Variants in NRG2 observed in about 807,000 individuals in gnomAD.
NRG2 encodes neuregulin 2.
A neutral mutation model predicts 73.9 loss-of-function variants in NRG2; 27 were observed. The observed-to-expected ratio is 0.37, with a 90% CI of 0.27 to 0.50. The LOEUF (loss-of-function observed/expected upper bound fraction) is 0.50. Ranked by LOEUF, NRG2 falls within the 20% of genes least tolerant of loss-of-function variation. The probability of loss-of-function intolerance (pLI) is 0.96; values close to 1 mark genes in which losing one functional copy is unlikely to be tolerated. For synonymous variants in NRG2, 532 were observed against 541.0 expected, an observed-to-expected ratio of 0.98 and a Z score of 0.23; for missense variants, 1,126 against 1,210.1, an observed-to-expected ratio of 0.93 and a Z score of 1.03.
rs557277285 is a variant in NRG2 at position 139,852,979 on chromosome 5, C to T, written c.1341G>A (p.Pro447=). ...MHNHLRQNMC[P]AHQNRSLANG... is the part of the protein sequence containing the mutation. ...TGGCCAAGCTCCGGTTCTGATGGGCCGGGCACATGTTCTGCCGGAGGTGGT... is the reference window on the plus strand; with the variant it reads ...TGGCCAAGCTCCGGTTCTGATGGGCTGGGCACATGTTCTGCCGGAGGTGGT... The change falls in exon 7 of 10, where the codon CCG becomes CCA. Residue 447 remains proline (P), a synonymous_variant. Transcript: ENST00000361474. The surrounding 1 kb of genome is among the most constrained non-coding windows in gnomAD (Gnocchi z 4.4). 26 of 1,613,294 alleles carry T rather than the reference C, an allele frequency of 1.6e-5. No individual in the cohort carries two copies. The highest frequency in any genetic ancestry group is 9.3e-5 in the African/African-American group (7 of 74,936).
intron 1 of NRG2, among the ~76,000 whole-genome samples, chr5:139,929,955 C>T (rs374328664): frequency 2.0e-5 from 3 of 152,222 alleles, no homozygotes; most frequent in Non-Finnish European, 2.9e-5. Flanking sequence ...GGGACAGTCA[C>T]ACCTCATTTG....
At chr5:139,920,600 T>G (rs1751585522) in intron 1 of NRG2, among the ~76,000 whole-genome samples, 1 of 150,374 alleles carries the variant, frequency 6.7e-6, no homozygotes, top group East Asian at 2.0e-4. Flanking sequence ...AGAGAAGAAA[T>G]GAAGTAGGGG....
At chr5:139,968,224 G>A (rs1755695332) in intron 1 of NRG2, among the ~76,000 whole-genome samples, 1 of 152,182 alleles carries the variant, frequency 6.6e-6, no homozygotes, top group African/African-American at 2.4e-5. Flanking sequence ...TGCCCGCCCG[G>A]CTGAGAAGGG....
At chr5:140,025,519 AC>A in intron 1 of NRG2, among the ~76,000 whole-genome samples, 1 of 152,316 alleles carries the variant, frequency 6.6e-6, no homozygotes, top group South Asian at 2.1e-4. Context: ...AGTATAAAAA[AC>A]AGCCATATTC....
At chr5:139,952,117 G>C (rs1489666401) in intron 1 of NRG2, among the ~76,000 whole-genome samples, 1 of 152,214 alleles carries the variant, frequency 6.6e-6, no homozygotes, top group African/African-American at 2.4e-5. Flanking sequence ...TTGCAGAATG[G>C]TTGCAGGGAT....
intron 5 of NRG2, among the ~76,000 whole-genome samples, chr5:139,863,772 C>G (rs1240097979): frequency 1.3e-5 from 2 of 152,194 alleles, no homozygotes. Flanking sequence ...TTCTGTTGGG[C>G]CACATGTCCT....
In NRG2 at chr5:139,885,863, A is replaced by G. The variant is rs2060005724; in HGVS notation, c.872+1477T>C. ...CTCCTGACTTTCGTCACTGCAGTGA[A>G]GTAGGGGAGAAACCATCTTCTAGAA... On this transcript the variant is annotated intron_variant, in intron 2 of 9. Transcript: ENST00000361474. Among the ~76,000 whole-genome samples the G allele has an allele frequency of 1.3e-5, 2 of 152,040 alleles. 1 individual carries two copies. The highest frequency in any genetic ancestry group is 4.2e-4 in the South Asian group (2 of 4,806).
chr5:139,961,290 C>T (rs1279139172), intron 1 of NRG2, among the ~76,000 whole-genome samples: 2 of 152,118 alleles, frequency 1.3e-5, no homozygotes, highest in African/African-American at 4.8e-5. Context: ...TTCGGCAGGG[C>T]CTTCTCTCCC....
In NRG2 at chr5:139,853,148, C is replaced by A. The variant is rs905215175; in HGVS notation, c.1293-121G>T. The A allele has an allele frequency of 3.5e-5, 47 of 1,339,298 alleles. No homozygotes were observed. Among genetic ancestry groups the A allele is most frequent in the Non-Finnish European group, 4.8e-5 (47 of 969,840 alleles). 83.0% of individuals were successfully genotyped at this position (1,339,298 alleles called of 1,614,324 possible). ...GCCCAGGGTGGCCATGGCTACTGCT[C>A]GTCCCTGTACTCAAGCTGCCCTACA... On this transcript the variant is annotated intron_variant, in intron 6 of 9. Transcript: ENST00000361474. The surrounding 1 kb of genome is among the most constrained non-coding windows in gnomAD (Gnocchi z 4.1).
In NRG2 at chr5:139,904,175, C is replaced by T. The variant is rs865959790; in HGVS notation, c.701-16664G>A. 4.0e-4 allele frequency: 347 copies of T among 873,296 alleles called. 2 individuals carry two copies. The African/African-American group carries it at 5.7e-3, about 14-fold the overall frequency. The allele number at this position is 873,296 out of a possible 1,614,324, so 54.1% of individuals were successfully genotyped here. A position where few individuals can be genotyped will look rare whatever the true frequency, so the allele number is the denominator to read the frequency against. ...CGACCCGCTCGCACGCAGGCACGCG[C>T]GCCCTCGGTGCCTGTCACCGCGGCG... is the stretch of plus-strand genomic sequence containing the variant. On this transcript the variant is annotated intron_variant, in intron 1 of 9. Coordinates refer to ENST00000361474, the MANE Select transcript of NRG2 (RefSeq NM_004883.3). This position sits in a 1 kb window ranked among gnomAD's most constrained non-coding sequence, Gnocchi z 6.0.
rs545820976 is a variant in NRG2 at position 139,978,227 on chromosome 5, T to C, written c.700+64143A>G. Among the ~76,000 whole-genome samples the C allele has an allele frequency of 6.6e-5, 10 of 152,226 alleles. No individual in the cohort carries two copies. In the East Asian group the frequency reaches 1.9e-3, roughly 29 times the overall value. On this transcript the variant is annotated intron_variant, in intron 1 of 9. Coordinates refer to ENST00000361474, the MANE Select transcript of NRG2 (RefSeq NM_004883.3). ...AAGGGCTAATATCCAGCATCTACAATGAACTCCAACAAATTTACAAGAAAA... is the reference window on the plus strand; with the variant it reads ...AAGGGCTAATATCCAGCATCTACAACGAACTCCAACAAATTTACAAGAAAA...
Position 139,866,633 on chromosome 5 carries a change from G to A in NRG2, c.1113-1008C>T, listed in dbSNP as rs192066262. On this transcript the variant is annotated intron_variant, in intron 4 of 9. Transcript: ENST00000361474. ...AAGGTCCTAGTGGCAGCCAGCCTGC[G>A]AAACTCTTCCATTTCCCCATGACCT... Among the ~76,000 whole-genome samples the A allele has an allele frequency of 9.2e-5, 14 of 152,256 alleles. 1 individual carries two copies. The highest frequency in any genetic ancestry group is 2.6e-4 in the African/African-American group (11 of 41,540).
rs1761480784 is a variant in NRG2, at chr5:139,852,177, T to C, written c.1544+255A>G. Among the ~76,000 whole-genome samples the C allele has an allele frequency of 6.6e-6, 1 of 152,072 alleles. No homozygotes were observed. The highest frequency in any genetic ancestry group is 1.5e-5 in the Non-Finnish European group (1 of 67,998). On this transcript the variant is annotated intron_variant, in intron 8 of 9. Coordinates refer to ENST00000361474, the MANE Select transcript of NRG2 (RefSeq NM_004883.3). This position sits in a 1 kb window ranked among gnomAD's most constrained non-coding sequence, Gnocchi z 4.4. ...AGAAGCCCAGCCCCAGGGGCCAGTA[T>C]GTGAGGGCCCTGACTATTTCCTGGT...
At chr5:139,849,334 C>T (rs1238962139) in intron 9 of NRG2, among the ~76,000 whole-genome samples, 1 of 152,166 alleles carries the variant, frequency 6.6e-6, no homozygotes, top group Non-Finnish European at 1.5e-5. Flanking sequence ...CCTCACTGCC[C>T]CACAGGGACA....
chr5:139,950,426 G>A (rs757843867), intron 1 of NRG2, among the ~76,000 whole-genome samples: 5 of 152,214 alleles, frequency 3.3e-5, no homozygotes, highest in Admixed American at 6.5e-5. Context: ...ATTCCCTGAT[G>A]TTAAGAGAGC....
intron 1 of NRG2, among the ~76,000 whole-genome samples, chr5:140,037,107 T>C (rs1274801041): frequency 6.6e-6 from 1 of 152,226 alleles, no homozygotes; most frequent in Admixed American, 6.5e-5. Context: ...ATGGTCAAAA[T>C]CAAACTCTTC....
intron 1 of NRG2, among the ~76,000 whole-genome samples, chr5:140,037,338 T>C (rs1761577842): frequency 6.6e-6 from 1 of 152,206 alleles, no homozygotes; most frequent in Admixed American, 6.5e-5. Context: ...CAGTTAAGAC[T>C]TATACAATGT....
intron 5 of NRG2, chr5:139,861,836 C>G: frequency 2.1e-6 from 1 of 474,054 alleles, no homozygotes; most frequent in South Asian, 1.5e-5. Flanking sequence ...GGAGAGCTCA[C>G]ATTGTTTGGC....
intron 5 of NRG2, among the ~76,000 whole-genome samples, chr5:139,858,670 A>T (rs530929268): frequency 6.6e-6 from 1 of 152,306 alleles, no homozygotes; most frequent in South Asian, 2.1e-4. Flanking sequence ...TTCCACCTGC[A>T]CAGTGCTCAA....
Sources: allele counts gnomAD v4.1 joint callset (sites outside exome capture counted in the v4.1 genomes callset), GRCh38; gene constraint gnomAD v4.1.1; non-coding constraint Gnocchi (gnomAD v3.1); transcripts MANE v1.5; gene names NCBI Gene and HGNC (gene_info 2026-07-23, HGNC 2026-07-21).